The following PLA2R1 variants were observed in gnomAD, a reference collection of about 807,000 sequenced individuals.
PLA2R1 encodes the protein secretory phospholipase A2 receptor.
PLA2R1 carries 158 observed loss-of-function variants against 195.9 expected under a neutral mutation model. That is an observed-to-expected ratio of 0.81 (90% CI 0.71 to 0.92). The LOEUF is 0.92. PLA2R1 is among the 40% of genes least tolerant of loss of function. The pLI is 0.00. For missense variants in PLA2R1, 1,626 were observed against 1,764.6 expected (o/e 0.92, Z 1.41); for synonymous variants, 586 against 598.2 (o/e 0.98, Z 0.30).
intron 9 of PLA2R1, among the ~76,000 whole-genome samples, chr2:160,015,496 C>T (rs537986270): frequency 1.3e-5 from 2 of 152,178 alleles, no homozygotes; most frequent in African/African-American, 4.8e-5. Context: ...AAGCCATGAA[C>T]AAAAGTTTGA....
intron 8 of PLA2R1, among the ~76,000 whole-genome samples, chr2:160,018,140 C>T (rs1030264174): frequency 6.6e-6 from 1 of 152,006 alleles, no homozygotes; most frequent in Admixed American, 6.6e-5. Flanking sequence ...AGAAAAGGGG[C>T]CATAAAATAT....
intron 26 of PLA2R1, 102 bp from the exon 27 acceptor site, chr2:159,947,019 A>C (rs1473783508): frequency 2.6e-6 from 2 of 768,026 alleles, no homozygotes; most frequent in Middle Eastern, 2.6e-4. Context: ...GGTTTTGAAA[A>C]GTGAAAATTT....
intron 11 of PLA2R1, among the ~76,000 whole-genome samples, chr2:159,996,608 G>A (rs746701229): frequency 2.0e-5 from 3 of 152,024 alleles, no homozygotes; most frequent in Non-Finnish European, 4.4e-5. Context: ...GAAATTCTCA[G>A]TTATTATTGC....
In PLA2R1 at chr2:159,934,486, T is replaced by A. The variant is rs1200840352; in HGVS notation, c.*7292A>T. ...GTCATATAGCAGTGGTCCTCAAACT[T>A]TTTGGCTAGCATACAAAATTGTTAA... On this transcript the variant is annotated 3_prime_UTR_variant, in exon 30 of 30. Transcript: ENST00000283243. 2 of 152,206 alleles carry A rather than the reference T, an allele frequency of 1.3e-5. No homozygotes were observed. The highest frequency in any genetic ancestry group is 2.9e-5 in the Non-Finnish European group (2 of 68,032). The allele number at this position is 152,206 out of a possible 1,614,324, so 9.4% of individuals were successfully genotyped here. A position where few individuals can be genotyped will look rare whatever the true frequency, so the allele number is the denominator to read the frequency against.
chr2:160,010,892 T>C (rs904598435), intron 10 of PLA2R1, among the ~76,000 whole-genome samples: 6 of 152,276 alleles, frequency 3.9e-5, no homozygotes, highest in Admixed American at 1.3e-4. Flanking sequence ...AAGTATATGT[T>C]AACTGACTTG....
chr2:159,983,875 T>C, intron 13 of PLA2R1, 53 bp downstream of exon 13: 1 of 1,031,820 alleles, frequency 9.7e-7, no homozygotes, highest in South Asian at 1.5e-5. Flanking sequence ...CAGAAGCCAT[T>C]ACTGGGAGAT....
intron 8 of PLA2R1, among the ~76,000 whole-genome samples, chr2:160,018,723 T>C (rs140122902): frequency 6.6e-6 from 1 of 152,366 alleles, no homozygotes; most frequent in African/African-American, 2.4e-5. Context: ...AGAGGTATTG[T>C]TTCTCCTTTA....
At chr2:160,053,639 C>T (rs1156654629) in intron 1 of PLA2R1, among the ~76,000 whole-genome samples, 1 of 152,226 alleles carries the variant, frequency 6.6e-6, no homozygotes, top group Admixed American at 6.5e-5. Context: ...CCTTGCACTG[C>T]CCCGAAATGC....
chr2:160,037,079 T>A (rs1192385762), intron 3 of PLA2R1, among the ~76,000 whole-genome samples: 12 of 152,182 alleles, frequency 7.9e-5, no homozygotes, highest in Non-Finnish European at 1.6e-4. Context: ...TATCTACAAG[T>A]TAGATCTTCA....
intron 10 of PLA2R1, among the ~76,000 whole-genome samples, chr2:160,007,277 G>C (rs1573880277): frequency 6.6e-6 from 1 of 152,226 alleles, no homozygotes; most frequent in East Asian, 1.9e-4. Flanking sequence ...AGGCAGAGTA[G>C]TAATACCGGG....
intron 20 of PLA2R1, among the ~76,000 whole-genome samples, chr2:159,961,922 C>A (rs1018656000): frequency 6.6e-6 from 1 of 152,074 alleles, no homozygotes; most frequent in African/African-American, 2.4e-5. Context: ...AAAATATCCT[C>A]TTTTAATCCT....
intron 6 of PLA2R1, among the ~76,000 whole-genome samples, chr2:160,024,259 A>G (rs1053178783): frequency 6.6e-6 from 1 of 151,974 alleles, no homozygotes; most frequent in Non-Finnish European, 1.5e-5. Context: ...CCACTGCACC[A>G]CTTCTACCTC....
intron 22 of PLA2R1, 145 bp from the exon 23 acceptor site, chr2:159,955,491 T>C: frequency 1.8e-6 from 1 of 552,250 alleles, no homozygotes; most frequent in Non-Finnish European, 3.0e-6. Flanking sequence ...AGTCATTTCA[T>C]AACCTACAAA....
At chr2:159,981,509 G>T (rs559752444) in intron 13 of PLA2R1, among the ~76,000 whole-genome samples, 3 of 152,064 alleles carry the variant, frequency 2.0e-5, no homozygotes, top group East Asian at 1.9e-4. Flanking sequence ...AGGCTCAATT[G>T]ATACTCCCAC....
intron 11 of PLA2R1, among the ~76,000 whole-genome samples, chr2:159,993,024 A>T (rs1443853866): frequency 6.6e-6 from 1 of 152,124 alleles, no homozygotes; most frequent in African/African-American, 2.4e-5. Flanking sequence ...CCTCTAATAT[A>T]ACTTGGAAAA....
At chr2:159,966,186 T>C (rs538096445) in intron 20 of PLA2R1, among the ~76,000 whole-genome samples, 1 of 152,338 alleles carries the variant, frequency 6.6e-6, no homozygotes, top group African/African-American at 2.4e-5. Flanking sequence ...ATGTAGTATA[T>C]CCATACAATG....
intron 9 of PLA2R1, among the ~76,000 whole-genome samples, chr2:160,013,743 GTGTGTGTGTC>G (rs1435522813): frequency 2.8e-5 from 4 of 141,344 alleles, no homozygotes; most frequent in Non-Finnish European, 3.3e-5. Context: ...GTGTGTGTGT[GTGTGTGTGTC>G]TCTCTCTCTC....
chr2:159,963,367 G>A (rs1036848282), intron 20 of PLA2R1, among the ~76,000 whole-genome samples: 1 of 152,132 alleles, frequency 6.6e-6, no homozygotes. Flanking sequence ...AAGCACAAGT[G>A]ACGGAAGAAA....
rs1297675241 is a variant in PLA2R1, at chr2:159,979,918, T to C, written c.2184-4A>G. 7 of 1,557,054 alleles carry C rather than the reference T, an allele frequency of 4.5e-6. No individual in the cohort carries two copies. The highest frequency in any genetic ancestry group is 2.7e-5 in the African/African-American group (2 of 73,328). On this transcript the variant is annotated splice_polypyrimidine_tract_variant and splice_region_variant and intron_variant, in intron 13 of 29. Transcript: ENST00000283243. ...CCAGAACTGCCTTTCTTCTGTCCTGTAAAGAGAAGAAACAAAAGCTTTGCC... is the reference window on the plus strand; with the variant it reads ...CCAGAACTGCCTTTCTTCTGTCCTGCAAAGAGAAGAAACAAAAGCTTTGCC...
Sources: gnomAD v4.1 joint callset for allele counts (sites outside exome capture counted in the v4.1 genomes callset) on GRCh38, gnomAD v4.1.1 for gene constraint, MANE v1.5 for transcripts, NCBI Gene and HGNC (gene_info 2026-07-23, HGNC 2026-07-21) for gene names.